The following GSTO2 variants were observed in gnomAD, a reference collection of about 807,000 sequenced individuals.
The protein encoded by GSTO2 is glutathione S-transferase omega 2.
Under a neutral mutation model 28.4 loss-of-function variants are expected in GSTO2, and 23 were observed. The observed-to-expected ratio is 0.81, with a 90% confidence interval of 0.58 to 1.15. The LOEUF (loss-of-function observed/expected upper bound fraction) is 1.15. Ranked by LOEUF, GSTO2 falls within the 50% of genes most tolerant of loss-of-function variation. The pLI, the probability that GSTO2 is intolerant of heterozygous loss-of-function variation, is 0.00. For synonymous variants in GSTO2, 109 were observed against 111.0 expected, an observed-to-expected ratio of 0.98 and a Z score of 0.11; for missense variants, 298 against 297.8, an observed-to-expected ratio of 1.00 and a Z score of 0.00.
rs527656731 is a variant in GSTO2 at position 104,285,072 on chromosome 10, CTG to C, written c.468+5602_468+5603del. On this transcript the variant is annotated intron_variant, in intron 5 of 6. Coordinates refer to ENST00000338595, the MANE Select transcript of GSTO2 (RefSeq NM_183239.2). Reference sequence around the variant, plus strand: ...GTTTTGCTTCTTGTCATTCAACCACCTGCCTTGGGGTGCTTCACTTTGCATTT... The same window carrying C: ...GTTTTGCTTCTTGTCATTCAACCACCCCTTGGGGTGCTTCACTTTGCATTT... Among the ~76,000 whole-genome samples, 22 of 152,284 alleles carry C rather than the reference CTG, an allele frequency of 1.4e-4. No individual in the cohort carries two copies. In the South Asian group the frequency reaches 4.6e-3, roughly 32 times the overall value.
At chr10:104,276,777 T>C (rs1589858088) in intron 3 of GSTO2, among the ~76,000 whole-genome samples, 1 of 152,366 alleles carries the variant, frequency 6.6e-6, no homozygotes, top group East Asian at 1.9e-4. Flanking sequence ...CAGCCTCTGC[T>C]GTAGGTTTAA....
Position 104,274,753 on chromosome 10 carries a change from A to G in GSTO2, c.-163A>G. ...GTTAAATTACCCTAGCTCCTGCTCC[A>G]GATCGCTTCCCCGTGCCCCGCCAGA... On this transcript the variant is annotated 5_prime_UTR_variant, in exon 2 of 7. Coordinates refer to ENST00000338595, the MANE Select transcript of GSTO2 (RefSeq NM_183239.2). The G allele has an allele frequency of 1.2e-6, 1 of 808,452 alleles. No homozygotes were observed. Among genetic ancestry groups the G allele is most frequent in the South Asian group, 1.6e-5 (1 of 64,400 alleles). 50.1% of individuals were successfully genotyped at this position (808,452 alleles called of 1,614,324 possible). A position where few individuals can be genotyped will look rare whatever the true frequency, so the allele number is the denominator to read the frequency against.
chr10:104,271,001 A>C (rs1425300575), intron 1 of GSTO2, among the ~76,000 whole-genome samples: 1 of 152,246 alleles, frequency 6.6e-6, no homozygotes, highest in African/African-American at 2.4e-5. Flanking sequence ...GAGTAGGTTT[A>C]ATATGGTCTA....
At chr10:104,274,659 T>G in intron 1 of GSTO2, 26 bp from the exon 2 acceptor site, 1 of 567,068 alleles carries the variant, frequency 1.8e-6, no homozygotes, top group Non-Finnish European at 3.1e-6. Flanking sequence ...TCTGGTGTTA[T>G]TTTGTCTTGT....
intron 6 of GSTO2, 30 bp from the exon 7 acceptor site, chr10:104,299,098 C>A (rs748446849): frequency 6.3e-7 from 1 of 1,598,944 alleles, no homozygotes; most frequent in Admixed American, 1.7e-5. Flanking sequence ...TACCCCTGCA[C>A]TGTGCTGACG....
At chr10:104,275,403 T>G (rs2011585863) in intron 3 of GSTO2, 69 bp downstream of exon 3, 4 of 1,444,126 alleles carry the variant, frequency 2.8e-6, no homozygotes. Context: ...ATGTTTAACA[T>G]CTGGGGCGCC....
chr10:104,275,164 TCCTTCCTCACC>T lies in GSTO2; in HGVS notation c.35-61_35-51del. On this transcript the variant is annotated intron_variant, in intron 2 of 6. Transcript: ENST00000338595. ...TTGGGATCTGGGCAAGTGAGCGAGC[TCCTTCCTCACC>T]GGGCTGACTAGCCTCTCCTTTCCCT... 5.2e-6 allele frequency: 8 copies of T among 1,548,796 alleles called. No individual in the cohort carries two copies. The South Asian group carries it at 8.6e-5, about 17-fold the overall frequency.
chr10:104,275,659 G>A (rs2011597686), intron 3 of GSTO2, among the ~76,000 whole-genome samples: 1 of 152,148 alleles, frequency 6.6e-6, no homozygotes. Flanking sequence ...CTGCTCCACA[G>A]AGGTAGTTCC....
At chr10:104,273,897 C>T (rs907262984) in intron 1 of GSTO2, among the ~76,000 whole-genome samples, 2 of 152,184 alleles carry the variant, frequency 1.3e-5, no homozygotes, top group African/African-American at 4.8e-5. Context: ...GAGTGAGACA[C>T]AGAAAATATT....
chr10:104,281,527 G>A (rs2012036683), intron 5 of GSTO2, among the ~76,000 whole-genome samples: 1 of 152,140 alleles, frequency 6.6e-6, no homozygotes, highest in South Asian at 2.1e-4. Context: ...TGAAAGTATA[G>A]GGTTATGATG....
chr10:104,270,139 A>G (rs935804873), intron 1 of GSTO2, among the ~76,000 whole-genome samples: 2 of 151,326 alleles, frequency 1.3e-5, no homozygotes, highest in Admixed American at 6.6e-5. Context: ...TCAGCCTCCC[A>G]AGTAGCTGGG....
chr10:104,278,362 G>A (rs1320862803), intron 4 of GSTO2, among the ~76,000 whole-genome samples: 2 of 152,240 alleles, frequency 1.3e-5, no homozygotes, highest in Admixed American at 6.5e-5. Flanking sequence ...GGCAATGACC[G>A]TGTAACTTGA....
rs2011564374 is a variant in GSTO2, at chr10:104,275,107, G to A, written c.35-119G>A. On this transcript the variant is annotated intron_variant, in intron 2 of 6. Coordinates refer to ENST00000338595, the MANE Select transcript of GSTO2 (RefSeq NM_183239.2). ...AGCCACATGCAGCACTGCCCTCTCT[G>A]GGACTTGGGAGTTGGAGCTCCCACA... is the stretch of plus-strand genomic sequence containing the variant. The A allele has an allele frequency of 3.6e-5, 54 of 1,515,424 alleles. No individual in the cohort carries two copies. The South Asian group carries it at 6.6e-4, about 18-fold the overall frequency. The allele number at this position is 1,515,424 out of a possible 1,614,324, so 93.9% of individuals were successfully genotyped here.
intron 3 of GSTO2, 143 bp downstream of exon 3, chr10:104,275,477 A>G (rs951497784): frequency 7.4e-6 from 5 of 675,736 alleles, no homozygotes; most frequent in Admixed American, 6.1e-5. Flanking sequence ...CAAATAGCAA[A>G]GGGCGAGCTT....
At position 104,298,829 on chromosome 10, in the gene GSTO2, A is replaced by C. The variant is rs2013161591; in HGVS notation, c.576-299A>C. Among the ~76,000 whole-genome samples the C allele has an allele frequency of 2.0e-5, 3 of 152,082 alleles. No individual in the cohort carries two copies. In the South Asian group the frequency reaches 6.2e-4, roughly 32 times the overall value. On this transcript the variant is annotated intron_variant, in intron 6 of 6. Coordinates refer to ENST00000338595, the MANE Select transcript of GSTO2 (RefSeq NM_183239.2). ...CACATGTAAGTTTCTCAAGCTTTAG[A>C]ATATATATATATTAAAAAACAAAAC...
chr10:104,296,738 C>T (rs767931951), intron 5 of GSTO2: 1 of 151,780 alleles, frequency 6.6e-6, no homozygotes, highest in Non-Finnish European at 1.5e-5. Context: ...AATAATAAGG[C>T]ATGGAGATTA....
intron 5 of GSTO2, among the ~76,000 whole-genome samples, chr10:104,290,397 C>T (rs2012703981): frequency 6.6e-6 from 1 of 151,788 alleles, no homozygotes; most frequent in African/African-American, 2.4e-5. Context: ...CCCAGCTACT[C>T]AGGAGGCTGA....
Position 104,304,373 on chromosome 10 carries a change from C to A in GSTO2, c.*5089C>A, listed in dbSNP as rs1263112462. 1 of 152,116 alleles carries A rather than the reference C, an allele frequency of 6.6e-6. No individual in the cohort carries two copies. Among genetic ancestry groups the A allele is most frequent in the African/African-American group, 2.4e-5 (1 of 41,398 alleles). 9.4% of individuals were successfully genotyped at this position (152,116 alleles called of 1,614,324 possible). ...CCCTCTGTTTTTTTTTCCAACCAGT[C>A]TTTTCTCTTGCAAAGTTCAGATCAA... On this transcript the variant is annotated 3_prime_UTR_variant, in exon 7 of 7. Transcript: ENST00000338595.
intron 4 of GSTO2, 140 bp downstream of exon 4, chr10:104,278,256 G>A (rs2011767736): frequency 1.5e-6 from 1 of 673,716 alleles, no homozygotes; most frequent in Non-Finnish European, 2.6e-6. Context: ...TAGCTAGCAT[G>A]GAATTAGGGT....
Sources: gnomAD v4.1 joint callset for allele counts (sites outside exome capture counted in the v4.1 genomes callset) on GRCh38, gnomAD v4.1.1 for gene constraint, MANE v1.5 for transcripts, NCBI Gene and HGNC (gene_info 2026-07-23, HGNC 2026-07-21) for gene names.